PLCH1: variants seen among roughly 807,000 people sequenced by gnomAD.
PLCH1 encodes 1-phosphatidylinositol 4,5-bisphosphate phosphodiesterase eta-1.
PLCH1 carries 60 observed loss-of-function variants against 126.7 expected under a neutral mutation model. The observed-to-expected ratio is 0.47, with a 90% CI of 0.38 to 0.59. The LOEUF (loss-of-function observed/expected upper bound fraction) is 0.59. Among genes scored for constraint, PLCH1 ranks in the 20% least tolerant of loss-of-function variants. The pLI, the probability that PLCH1 is intolerant of heterozygous loss-of-function variation, is 0.00. For synonymous variants in PLCH1, 719 were observed against 734.9 expected (o/e 0.98, Z 0.35); for missense variants, 1,723 against 2,040.0 (o/e 0.84, Z 2.99).
chr3:155,639,399 T>A (rs552842383), intron 2 of PLCH1, among the ~76,000 whole-genome samples: 1 of 152,292 alleles, frequency 6.6e-6, no homozygotes, highest in Non-Finnish European at 1.5e-5. Context: ...AGGTTAAGGC[T>A]GCAGTGGGGC....
At chr3:155,543,136 T>C (rs1724622501) in intron 10 of PLCH1, among the ~76,000 whole-genome samples, 1 of 152,046 alleles carries the variant, frequency 6.6e-6, no homozygotes, top group Non-Finnish European at 1.5e-5. Context: ...GTTGAAAACT[T>C]TGAAAAAAAT....
At chr3:155,542,065 G>A (rs1410808900) in intron 10 of PLCH1, among the ~76,000 whole-genome samples, 1 of 152,214 alleles carries the variant, frequency 6.6e-6, no homozygotes, top group Non-Finnish European at 1.5e-5. Flanking sequence ...CCATGCGCGA[G>A]CCGAAGCAGG....
intron 2 of PLCH1, among the ~76,000 whole-genome samples, chr3:155,599,263 A>G (rs1038778729): frequency 6.6e-6 from 1 of 152,204 alleles, no homozygotes; most frequent in Non-Finnish European, 1.5e-5. Context: ...ATGCCCAGTC[A>G]GAAGTAAATA....
At chr3:155,712,796 T>C (rs904994481) in intron 1 of PLCH1, among the ~76,000 whole-genome samples, 3 of 151,798 alleles carry the variant, frequency 2.0e-5, no homozygotes, top group Non-Finnish European at 4.4e-5. Context: ...CCTTTTTTTT[T>C]TCTAAGTAGA....
intron 2 of PLCH1, among the ~76,000 whole-genome samples, chr3:155,613,266 T>C (rs1324185373): frequency 6.6e-6 from 1 of 151,844 alleles, no homozygotes; most frequent in Non-Finnish European, 1.5e-5. Context: ...TTCCAAAAGA[T>C]AGAGAAAGAG....
chr3:155,538,576 G>A (rs959845951), intron 10 of PLCH1, among the ~76,000 whole-genome samples: 1 of 151,970 alleles, frequency 6.6e-6, no homozygotes, highest in African/African-American at 2.4e-5. Flanking sequence ...TATTACAACC[G>A]ATATCACAGA....
intron 21 of PLCH1, chr3:155,486,084 G>T: frequency 9.9e-7 from 1 of 1,005,582 alleles, no homozygotes; most frequent in Non-Finnish European, 1.5e-6. Flanking sequence ...GAAAAAGCAT[G>T]CTGCCATAAC....
At chr3:155,723,796 A>G (rs56119262) in intron 1 of PLCH1, among the ~76,000 whole-genome samples, 46 of 152,020 alleles carry the variant, frequency 3.0e-4, no homozygotes, top group African/African-American at 1.1e-3. Flanking sequence ...TCTACTAAAA[A>G]CACAAAAATT....
chr3:155,537,202 C>CAAAAAAAAAAAAAAAAAAAA (rs535908017), intron 10 of PLCH1, among the ~76,000 whole-genome samples: 41 of 10,402 alleles, frequency 3.9e-3, no homozygotes, highest in East Asian at 0.012. Context: ...AAAAAAAAAC[C>CAAAAAAAAAAAAAAAAAAAA]AAAAAAAAAA....
At chr3:155,460,732 TACAC>T (rs1712679163) in intron 21 of PLCH1, among the ~76,000 whole-genome samples, 1 of 151,856 alleles carries the variant, frequency 6.6e-6, no homozygotes, top group Non-Finnish European at 1.5e-5. Context: ...TCTGCAAACA[TACAC>T]ACAAATACAC....
At position 155,481,005 on chromosome 3, in the gene PLCH1, T is replaced by C. The variant is rs1462497046; in HGVS notation, c.5021A>G (p.Asp1674Gly). The C allele has an allele frequency of 1.9e-6, 3 of 1,599,160 alleles. No homozygotes were observed. Among genetic ancestry groups the C allele is most frequent in the South Asian group, 2.2e-5 (2 of 90,492 alleles). The change falls in exon 23 of 23, where the codon GAT becomes GGT. Residue 1674 changes from aspartate (D) to glycine (G), a missense_variant. This residue lies in a region of PLCH1 where 947 missense variants were observed against 977.1 expected (regional missense o/e 0.97). Coordinates refer to ENST00000460012, the MANE Select transcript of PLCH1 (RefSeq NM_014996.4). The surrounding 1 kb of genome is among the most constrained non-coding windows in gnomAD (Gnocchi z 4.2). ...AAGAAAATAAATTTCTGGTTTATCATCACTGCTTGGCTCAGTCTGCAAAAC... is the reference window on the plus strand; with the variant it reads ...AAGAAAATAAATTTCTGGTTTATCACCACTGCTTGGCTCAGTCTGCAAAAC... ...NSVLQTEPSS[D>G]DKPEIYFLLR...
At chr3:155,463,444 T>C (rs1208654259) in intron 21 of PLCH1, among the ~76,000 whole-genome samples, 1 of 152,206 alleles carries the variant, frequency 6.6e-6, no homozygotes. Flanking sequence ...ATGTTAACTA[T>C]ATGTTTATTA....
intron 1 of PLCH1, among the ~76,000 whole-genome samples, chr3:155,728,159 A>G (rs1748485158): frequency 6.6e-6 from 1 of 152,044 alleles, no homozygotes. Flanking sequence ...TAGGAAAATG[A>G]TTTTTCTATT....
intron 3 of PLCH1, among the ~76,000 whole-genome samples, chr3:155,594,794 G>C (rs1732744924): frequency 6.6e-6 from 1 of 152,148 alleles, no homozygotes; most frequent in Admixed American, 6.5e-5. Context: ...GAAGCAAAAA[G>C]ACTGGTAGAA....
intron 2 of PLCH1, among the ~76,000 whole-genome samples, chr3:155,636,383 T>A (rs1738722930): frequency 6.6e-6 from 1 of 152,204 alleles, no homozygotes; most frequent in African/African-American, 2.4e-5. Context: ...TAAATCAAGA[T>A]ATCATTTTGG....
intron 1 of PLCH1, among the ~76,000 whole-genome samples, chr3:155,744,244 C>T (rs1229990433): frequency 1.3e-5 from 2 of 152,192 alleles, no homozygotes; most frequent in African/African-American, 4.8e-5. Flanking sequence ...GCCGCGGGGC[C>T]GGGGTTTGCC....
intron 10 of PLCH1, 25 bp downstream of exon 10, chr3:155,549,762 T>C: frequency 1.3e-6 from 2 of 1,564,898 alleles, no homozygotes; most frequent in Non-Finnish European, 1.8e-6. Flanking sequence ...TGAATGTCTT[T>C]TATTGCATTA....
chr3:155,656,447 T>G (rs991682056), intron 2 of PLCH1, among the ~76,000 whole-genome samples: 2 of 152,202 alleles, frequency 1.3e-5, no homozygotes, highest in African/African-American at 4.8e-5. Context: ...AAAATATTAT[T>G]TCATTAACCA....
At chr3:155,454,960 A>C (rs527596520) in intron 21 of PLCH1, among the ~76,000 whole-genome samples, 1 of 152,344 alleles carries the variant, frequency 6.6e-6, no homozygotes, top group East Asian at 1.9e-4. Context: ...AGGGATTTGA[A>C]TGCAAGCACT....
Sources: allele counts gnomAD v4.1 joint callset (sites outside exome capture counted in the v4.1 genomes callset), GRCh38; gene constraint gnomAD v4.1.1; regional missense constraint gnomAD v4.1.1; non-coding constraint Gnocchi (gnomAD v3.1); transcripts MANE v1.5; gene names NCBI Gene and HGNC (gene_info 2026-07-23, HGNC 2026-07-21).